NOTCH1: variants seen among roughly 807,000 people sequenced by gnomAD.
The protein encoded by NOTCH1 is neurogenic locus notch homolog protein 1.
In NOTCH1, 37 loss-of-function variants were observed where a neutral mutation model predicts 254.8. That is an observed-to-expected ratio of 0.15 (90% confidence interval 0.11 to 0.19). The LOEUF is 0.19. Among genes scored for constraint, NOTCH1 ranks in the 10% least tolerant of loss-of-function variants. NOTCH1 has a pLI of 1.00. For synonymous variants in NOTCH1, 1,731 were observed against 1,618.1 expected, an observed-to-expected ratio of 1.07 and a Z score of -1.68; for missense variants, 2,972 against 3,708.6, an observed-to-expected ratio of 0.80 and a Z score of 5.16.
intron 31 of NOTCH1, 39 bp from the exon 32 acceptor site, chr9:136,499,298 A>T (rs994621188): frequency 6.2e-7 from 1 of 1,607,730 alleles, no homozygotes. Context: ...TGCTGGGCAG[A>T]CGTACACCGA....
intron 21 of NOTCH1, among the ~76,000 whole-genome samples, 191 bp from the exon 22 acceptor site, chr9:136,507,628 G>A (rs1329242648): frequency 2.6e-5 from 4 of 152,212 alleles, no homozygotes; most frequent in South Asian, 2.1e-4. Context: ...CTCGGTGACC[G>A]GAGTCACTGC....
At position 136,495,793 on chromosome 9, in the gene NOTCH1, G is replaced by A; in HGVS notation, c.*278C>T. The stretch of plus-strand genomic sequence containing the variant: ...CAGAAGAATCTTTTCATCCTACGTA[G>A]GAAAACCCTGGCTCTCAGAACTTGC... On this transcript the variant is annotated 3_prime_UTR_variant, in exon 34 of 34. Coordinates refer to ENST00000651671, the MANE Select transcript of NOTCH1 (RefSeq NM_017617.5). 2.4e-6 allele frequency: 1 copy of A among 424,734 alleles called. No individual in the cohort carries two copies. Among genetic ancestry groups the A allele is most frequent in the Non-Finnish European group, 4.2e-6 (1 of 239,254 alleles). The allele number at this position is 424,734 out of a possible 1,614,324, so 26.3% of individuals were successfully genotyped here.
At chr9:136,527,137 T>A (rs945877753) in intron 2 of NOTCH1, among the ~76,000 whole-genome samples, 1 of 152,188 alleles carries the variant, frequency 6.6e-6, no homozygotes, top group Non-Finnish European at 1.5e-5. Context: ...GCTGCTGCTG[T>A]GGGCAGCCTC....
chr9:136,517,279 G>A lies in NOTCH1; in HGVS notation c.1548C>T (p.Cys516=), dbSNP rs779917241. The change falls in exon 9 of 34, where the codon TGC becomes TGT. Residue 516 remains cysteine (C), a synonymous_variant. Transcript: ENST00000651671. ...GGCGGGGGTGGCCCTCACCCGTGGG[G>A]CACTCGCACTGGAACTCATTGATCT... ...LDKINEFQCE[C]PTGFTGHLCQ... is the part of the protein sequence containing the mutation. 1.9e-6 allele frequency: 3 copies of A among 1,599,054 alleles called. No homozygotes were observed. Among genetic ancestry groups the A allele is most frequent in the Non-Finnish European group, 2.6e-6 (3 of 1,172,298 alleles).
chr9:136,509,218 G>T, intron 18 of NOTCH1, 147 bp from the exon 19 acceptor site: 1 of 766,042 alleles, frequency 1.3e-6, no homozygotes. Context: ...GGCTGACCCA[G>T]GGAGGCCAGT....
Position 136,545,695 on chromosome 9 carries a change from A to C in NOTCH1, c.61+31T>G. 2 of 1,340,694 alleles carry C rather than the reference A, an allele frequency of 1.5e-6. No homozygotes were observed. The highest frequency in any genetic ancestry group is 9.7e-7 in the Non-Finnish European group (1 of 1,029,140). The allele number at this position is 1,340,694 out of a possible 1,614,324, so 83.0% of individuals were successfully genotyped here. Reference sequence around the variant, plus strand: ...GCCAAAGTTTCCAAAGGGCGCGGAAAGTGGGGGCTCGCGGGTGGGTGGGCG... The same window carrying C: ...GCCAAAGTTTCCAAAGGGCGCGGAACGTGGGGGCTCGCGGGTGGGTGGGCG... On this transcript the variant is annotated intron_variant, in intron 1 of 33. Coordinates refer to ENST00000651671, the MANE Select transcript of NOTCH1 (RefSeq NM_017617.5). This position sits in a 1 kb window ranked among gnomAD's most constrained non-coding sequence, Gnocchi z 6.8.
chr9:136,505,760 G>T lies in NOTCH1; in HGVS notation c.4136C>A (p.Thr1379Lys), dbSNP rs764123906. 6.3e-7 allele frequency: 1 copy of T among 1,586,482 alleles called. No homozygotes were observed. Among genetic ancestry groups the T allele is most frequent in the Non-Finnish European group, 8.6e-7 (1 of 1,165,620 alleles). ...GGCCGGGAACTGGCATTCGGGGCCCGTGAAGGGGCCCAGGCACAGGCAGGT... is the reference window on the plus strand; with the variant it reads ...GGCCGGGAACTGGCATTCGGGGCCCTTGAAGGGGCCCAGGCACAGGCAGGT... ...SPTCLCLGPF[T>K]GPECQFPASS... Residue 1379 changes from threonine to lysine, a missense_variant, in exon 25 of 34, where the codon ACG (threonine) becomes AAG (lysine). By Grantham distance (78) the Thr-to-Lys change is moderately conservative (BLOSUM62 -1). Coordinates refer to ENST00000651671, the MANE Select transcript of NOTCH1 (RefSeq NM_017617.5).
intron 2 of NOTCH1, among the ~76,000 whole-genome samples, chr9:136,530,005 T>G (rs111441746): frequency 0.12 from 13,129 of 105,540 alleles, 679 homozygotes; most frequent in Middle Eastern, 0.18. Context: ...GGCCCTGCCC[T>G]GGCTCCCAGG....
chr9:136,538,351 C>T (rs1843685495), intron 2 of NOTCH1, among the ~76,000 whole-genome samples: 1 of 151,904 alleles, frequency 6.6e-6, no homozygotes, highest in South Asian at 2.1e-4. Flanking sequence ...ACAGCCACCA[C>T]CACGCCTTCA....
chr9:136,498,928 C>T lies in NOTCH1; in HGVS notation c.6151G>A (p.Gly2051Arg), dbSNP rs1842956333. 3 of 1,613,758 alleles carry T rather than the reference C, an allele frequency of 1.9e-6. No homozygotes were observed. The highest frequency in any genetic ancestry group is 1.3e-5 in the African/African-American group (1 of 75,076). Residue 2051 changes from glycine (G) to arginine (R), a missense_variant, in exon 33 of 34, where the codon GGG becomes AGG. Coordinates refer to ENST00000651671, the MANE Select transcript of NOTCH1 (RefSeq NM_017617.5). ...TTGTTCTGCATATCTTTGTTAGCCC[C>T]GTTCTTCAGGAGCACAACTGCGGCA... ...VDAAVVLLKN[G>R]ANKDMQNNRE...
chr9:136,534,129 A>G (rs1248188332), intron 2 of NOTCH1, among the ~76,000 whole-genome samples: 2 of 152,078 alleles, frequency 1.3e-5, no homozygotes, highest in Non-Finnish European at 2.9e-5. Context: ...GGGGGAGTCC[A>G]CTTCTCAAAC....
intron 2 of NOTCH1, among the ~76,000 whole-genome samples, chr9:136,525,853 C>T (rs1843451276): frequency 6.6e-6 from 1 of 152,264 alleles, no homozygotes; most frequent in Admixed American, 6.5e-5. Flanking sequence ...TCTGTCTTCC[C>T]CGAAGGCTTT....
chr9:136,508,499 G>A, intron 19 of NOTCH1, 114 bp from the exon 20 acceptor site: 2 of 1,491,410 alleles, frequency 1.3e-6, no homozygotes, highest in Admixed American at 1.7e-5. Context: ...CCATTCTACA[G>A]AAGTGGAAAC....
intron 31 of NOTCH1, among the ~76,000 whole-genome samples, chr9:136,499,610 A>G (rs536064302): frequency 6.6e-6 from 1 of 152,328 alleles, no homozygotes; most frequent in Non-Finnish European, 1.5e-5. Flanking sequence ...GGCACTCAGG[A>G]AGCCGGGCTC....
At chr9:136,499,958 G>A (rs1842971493) in intron 31 of NOTCH1, among the ~76,000 whole-genome samples, 3 of 152,176 alleles carry the variant, frequency 2.0e-5, no homozygotes, top group African/African-American at 7.2e-5. Flanking sequence ...AACTCCCCGG[G>A]CTGTGCCCAT....
chr9:136,509,434 G>A (rs377554205), intron 18 of NOTCH1, among the ~76,000 whole-genome samples: 6 of 152,344 alleles, frequency 3.9e-5, no homozygotes, highest in East Asian at 1.9e-4. Context: ...TGAGCTTCCT[G>A]GCAAACACGG....
chr9:136,520,421 C>T (rs1390942199), intron 4 of NOTCH1, among the ~76,000 whole-genome samples: 1 of 152,090 alleles, frequency 6.6e-6, no homozygotes, highest in East Asian at 1.9e-4. Context: ...AAATGCAAAT[C>T]AGCTTGGGGA....
intron 2 of NOTCH1, among the ~76,000 whole-genome samples, chr9:136,525,603 G>A (rs1359339923): frequency 6.6e-6 from 1 of 152,140 alleles, no homozygotes; most frequent in East Asian, 1.9e-4. Flanking sequence ...GGCTGCGGCG[G>A]CCGCCTGCCC....
rs2133371068 is a variant in NOTCH1, at chr9:136,518,702, C to T, written c.988G>A (p.Glu330Lys). The part of the protein sequence containing the change: ...NCVCVNGWTG[E>K]DCSENIDDCA... ...TCATCAATGTTCTCGCTGCAGTCCT[C>T]ACCAGTCCAGCCGTTGACACACACG... Residue 330 changes from glutamate to lysine, a missense_variant, in exon 6 of 34, where the codon GAG becomes AAG. Around this residue, in one of 8 missense-constraint regions of NOTCH1, gnomAD observed 374 missense variants for 496.3 expected, o/e 0.75. Transcript: ENST00000651671. 2 of 1,612,872 alleles carry T rather than the reference C, an allele frequency of 1.2e-6. No individual in the cohort carries two copies. Among genetic ancestry groups the T allele is most frequent in the Non-Finnish European group, 1.7e-6 (2 of 1,180,000 alleles).
Sources: gnomAD v4.1 joint callset for allele counts (sites outside exome capture counted in the v4.1 genomes callset) on GRCh38, gnomAD v4.1.1 for gene constraint, gnomAD v4.1.1 regional missense constraint, Gnocchi (gnomAD v3.1) non-coding constraint, MANE v1.5 for transcripts, NCBI Gene and HGNC (gene_info 2026-07-23, HGNC 2026-07-21) for gene names.